Variants in RBFOX1 observed in about 807,000 individuals in gnomAD.
RBFOX1 encodes the protein RNA binding fox-1 homolog 1, also known as RNA binding protein fox-1 homolog 1.
A neutral mutation model predicts 57.7 loss-of-function variants in RBFOX1; 8 were observed. The ratio of observed to expected loss-of-function variants is 0.14; its 90% CI spans 0.08 to 0.25. RBFOX1 has a LOEUF of 0.25. RBFOX1 is among the 10% of genes least tolerant of loss of function. The pLI, the probability that RBFOX1 is intolerant of heterozygous loss-of-function variation, is 1.00. For synonymous variants in RBFOX1, 326 were observed against 222.4 expected (o/e 1.47, Z -4.15); for missense variants, 611 against 548.5 (o/e 1.11, Z -1.14).
At chr16:5,737,007 C>T (rs950069704) in intron 3 of RBFOX1, among the ~76,000 whole-genome samples, 1 of 151,396 alleles carries the variant, frequency 6.6e-6, no homozygotes, top group South Asian at 2.1e-4. Context: ...CAGTCTCATC[C>T]TCTTTCCCTC....
chr16:6,958,398 C>T (rs982366679), intron 3 of RBFOX1, among the ~76,000 whole-genome samples: 3 of 152,098 alleles, frequency 2.0e-5, no homozygotes, highest in African/African-American at 2.4e-5. Context: ...GCATATTTCC[C>T]CCCCTTTTTA....
chr16:6,814,198 T>G (rs1397447089), intron 3 of RBFOX1, among the ~76,000 whole-genome samples: 1 of 148,268 alleles, frequency 6.7e-6, no homozygotes, highest in Non-Finnish European at 1.5e-5. Context: ...ATCAACATGA[T>G]GATAATAACT....
chr16:5,429,691 T>TCAAAACCG (rs2067671180), intron 1 of RBFOX1, among the ~76,000 whole-genome samples: 1 of 152,202 alleles, frequency 6.6e-6, no homozygotes, highest in African/African-American at 2.4e-5. Context: ...GAGGGGCCAT[T>TCAAAACCG]ATCCCTCCTT....
At chr16:7,454,017 G>A (rs1280932974) in intron 4 of RBFOX1, among the ~76,000 whole-genome samples, 1 of 152,142 alleles carries the variant, frequency 6.6e-6, no homozygotes, top group Non-Finnish European at 1.5e-5. Context: ...TGGATTGCCT[G>A]AGGTCAGGAG....
At chr16:5,804,996 T>A (rs932048297) in intron 3 of RBFOX1, among the ~76,000 whole-genome samples, 1 of 152,130 alleles carries the variant, frequency 6.6e-6, no homozygotes, top group African/African-American at 2.4e-5. Context: ...GTAGATGAAG[T>A]GCAAAGGGCT....
At position 6,571,924 on chromosome 16, in the gene RBFOX1, A is replaced by G. The variant is rs546852379; in HGVS notation, c.-63-82679A>G. ...CATTTGATTAATTACTTTTATTACA[A>G]TTATGATTATCATCATTTTATATAC... On this transcript the variant is annotated intron_variant, in intron 2 of 15. Transcript: ENST00000550418. 4.1e-4 allele frequency among the ~76,000 whole-genome samples: 63 copies of G among 152,304 alleles called. 2 individuals are homozygous for G. In the South Asian group the frequency reaches 0.013, roughly 31 times the overall value.
chr16:6,888,698 A>G (rs1355453640), intron 3 of RBFOX1, among the ~76,000 whole-genome samples: 1 of 152,172 alleles, frequency 6.6e-6, no homozygotes, highest in African/African-American at 2.4e-5. Context: ...CCTAGTAAAA[A>G]AGCTGGGGGA....
rs191827623 is a variant in RBFOX1 at position 6,525,764 on chromosome 16, C to G, written c.-63-128839C>G. Among the ~76,000 whole-genome samples the G allele has an allele frequency of 2.2e-3, 333 of 152,094 alleles. 2 individuals carry two copies. Among genetic ancestry groups the G allele is most frequent in the African/African-American group, 7.6e-3 (317 of 41,494 alleles). ...CTGAAAAATGGTCTTACTATTGTCT[C>G]CAGCAATTTTATAGGGTCATGAATC... On this transcript the variant is annotated intron_variant, in intron 2 of 15. Coordinates refer to ENST00000550418, the MANE Select transcript of RBFOX1 (RefSeq NM_018723.4).
chr16:6,762,326 T>C (rs1303108711), intron 3 of RBFOX1, among the ~76,000 whole-genome samples: 2 of 152,208 alleles, frequency 1.3e-5, no homozygotes, highest in Non-Finnish European at 2.9e-5. Flanking sequence ...AAACTAGTAA[T>C]ATGTCAATGT....
intron 10 of RBFOX1, among the ~76,000 whole-genome samples, chr16:7,616,275 C>T (rs1323756440): frequency 6.6e-6 from 1 of 152,206 alleles, no homozygotes; most frequent in East Asian, 1.9e-4. Flanking sequence ...CAAAAGCTTC[C>T]AGGTGTCCTC....
intron 1 of RBFOX1, among the ~76,000 whole-genome samples, chr16:6,077,634 G>A (rs1383663024): frequency 6.6e-6 from 1 of 151,970 alleles, no homozygotes; most frequent in Non-Finnish European, 1.5e-5. Flanking sequence ...GTCAAAAAGT[G>A]CCCATGCACT....
intron 3 of RBFOX1, among the ~76,000 whole-genome samples, chr16:6,768,642 A>G (rs891051184): frequency 4.6e-5 from 7 of 151,574 alleles, no homozygotes; most frequent in African/African-American, 1.7e-4. Context: ...CTACCTGTAT[A>G]TATTCATTAG....
chr16:7,199,831 G>A (rs1196326621), intron 4 of RBFOX1, among the ~76,000 whole-genome samples: 3 of 152,154 alleles, frequency 2.0e-5, no homozygotes, highest in Non-Finnish European at 4.4e-5. Context: ...GGAGGTGGAG[G>A]TTGTAGTGAG....
intron 3 of RBFOX1, among the ~76,000 whole-genome samples, chr16:6,753,878 G>T (rs554468183): frequency 1.3e-5 from 2 of 152,088 alleles, no homozygotes; most frequent in South Asian, 4.2e-4. Context: ...ATGTGCTCTC[G>T]GTCATTTGTC....
At chr16:5,622,622 G>C (rs987824806) in intron 3 of RBFOX1, among the ~76,000 whole-genome samples, 6 of 152,154 alleles carry the variant, frequency 3.9e-5, no homozygotes, top group Admixed American at 2.0e-4. Context: ...GGCCAAATCC[G>C]GCCCGATGCC....
intron 4 of RBFOX1, among the ~76,000 whole-genome samples, chr16:7,092,027 G>GA (rs1411818524): frequency 3.3e-5 from 5 of 151,858 alleles, no homozygotes; most frequent in East Asian, 3.9e-4. Context: ...TAGTCAATGA[G>GA]AAAAAAAATA....
intron 3 of RBFOX1, among the ~76,000 whole-genome samples, chr16:6,975,801 A>G (rs1388417617): frequency 1.3e-5 from 2 of 152,164 alleles, no homozygotes; most frequent in African/African-American, 4.8e-5. Context: ...TGCTGAGTGA[A>G]TAAAGATAAT....
At chr16:7,384,378 C>A (rs1005224852) in intron 4 of RBFOX1, among the ~76,000 whole-genome samples, 1 of 152,024 alleles carries the variant, frequency 6.6e-6, no homozygotes, top group Admixed American at 6.6e-5. Context: ...CAACAGGCAC[C>A]TTTATATTTA....
At chr16:7,017,584 GT>G (rs775105810) in intron 3 of RBFOX1, among the ~76,000 whole-genome samples, 5 of 152,160 alleles carry the variant, frequency 3.3e-5, no homozygotes, top group Non-Finnish European at 5.9e-5. Flanking sequence ...GCAAATTGTT[GT>G]TTTCATGAGG....
Sources: gnomAD v4.1 joint callset for allele counts (sites outside exome capture counted in the v4.1 genomes callset) on GRCh38, gnomAD v4.1.1 for gene constraint, MANE v1.5 for transcripts, NCBI Gene and HGNC (gene_info 2026-07-23, HGNC 2026-07-21) for gene names.